NBAS: variants seen among roughly 807,000 people sequenced by gnomAD.
NBAS encodes NBAS subunit of NRZ tethering complex.
In NBAS, 219 loss-of-function variants were observed where a neutral mutation model predicts 302.5. The ratio of observed to expected loss-of-function variants is 0.72; its 90% CI spans 0.65 to 0.81. The LOEUF is 0.81. Among genes scored for constraint, NBAS ranks in the 30% least tolerant of loss-of-function variants. The pLI, the probability that NBAS is intolerant of heterozygous loss-of-function variation, is 0.00. For missense variants in NBAS, 2,932 were observed against 2,841.6 expected (o/e 1.03, Z -0.72); for synonymous variants, 1,118 against 1,021.6 (o/e 1.09, Z -1.80).
chr2:15,096,613 T>A, the NBAS span, among the ~76,000 whole-genome samples: 1 of 152,102 alleles, frequency 6.6e-6, no homozygotes, highest in African/African-American at 2.4e-5. Flanking sequence ...ACAAATGGGT[T>A]CAAAGGCTGT....
chr2:15,280,616 C>T (rs1401104448), intron 42 of NBAS, among the ~76,000 whole-genome samples: 2 of 152,062 alleles, frequency 1.3e-5, no homozygotes, highest in Non-Finnish European at 2.9e-5. Context: ...CTTTCAAGTT[C>T]GGCTTTCTGC....
At chr2:14,837,835 T>C in the NBAS span, among the ~76,000 whole-genome samples, 1 of 151,928 alleles carries the variant, frequency 6.6e-6, no homozygotes, top group Non-Finnish European at 1.5e-5. Flanking sequence ...AAAACTTCTA[T>C]CTGGTATAAT....
intron 42 of NBAS, among the ~76,000 whole-genome samples, chr2:15,286,368 A>T (rs1188894993): frequency 6.6e-6 from 1 of 152,176 alleles, no homozygotes; most frequent in African/African-American, 2.4e-5. Flanking sequence ...GTTCACCAGA[A>T]TCCTTAACTA....
At chr2:14,972,225 T>G in the NBAS span, among the ~76,000 whole-genome samples, 1 of 152,088 alleles carries the variant, frequency 6.6e-6, no homozygotes, top group Admixed American at 6.6e-5. Flanking sequence ...CTGCATGTTC[T>G]TACTCATAAG....
the NBAS span, among the ~76,000 whole-genome samples, chr2:15,159,642 T>C: frequency 6.6e-6 from 1 of 152,142 alleles, no homozygotes; most frequent in Non-Finnish European, 1.5e-5. Context: ...AGATGTTTAA[T>C]GAGTGTAGAA....
chr2:14,817,041 A>G, the NBAS span, among the ~76,000 whole-genome samples: 2 of 152,142 alleles, frequency 1.3e-5, no homozygotes, highest in Non-Finnish European at 2.9e-5. Context: ...CTGAGGAGAG[A>G]AGAGAGGATT....
the NBAS span, among the ~76,000 whole-genome samples, chr2:14,802,962 C>T: frequency 7.5e-5 from 11 of 147,470 alleles, no homozygotes; most frequent in Non-Finnish European, 1.6e-4. Context: ...GTGGGTGCAG[C>T]GCACCAGCAT....
intron 51 of NBAS, 89 bp downstream of exon 51, chr2:15,178,899 G>T: frequency 1.9e-6 from 3 of 1,561,600 alleles, no homozygotes; most frequent in East Asian, 2.3e-5. Context: ...AATTAACCAC[G>T]GTGTTATTTA....
intron 11 of NBAS, among the ~76,000 whole-genome samples, chr2:15,492,938 T>C (rs1004210268): frequency 1.3e-5 from 2 of 152,164 alleles, no homozygotes; most frequent in Admixed American, 6.5e-5. Flanking sequence ...TGGTGAGTAA[T>C]ATGGTTTGGC....
At chr2:14,819,640 G>A in the NBAS span, among the ~76,000 whole-genome samples, 3 of 152,188 alleles carry the variant, frequency 2.0e-5, no homozygotes, top group African/African-American at 7.2e-5. Context: ...GCTAGTGTCT[G>A]AATAAAGAGT....
At chr2:15,469,492 T>C (rs1679864999) in intron 16 of NBAS, among the ~76,000 whole-genome samples, 1 of 152,156 alleles carries the variant, frequency 6.6e-6, no homozygotes, top group South Asian at 2.1e-4. Flanking sequence ...ACTGGGCATA[T>C]ACCCAAAGGA....
chr2:15,053,782 TC>T, the NBAS span, among the ~76,000 whole-genome samples: 64 of 152,014 alleles, frequency 4.2e-4, no homozygotes, highest in African/African-American at 1.4e-3. Context: ...ACTCTGAACA[TC>T]CGGTTATCTA....
chr2:15,215,971 A>T (rs1342836005), intron 48 of NBAS, among the ~76,000 whole-genome samples: 1 of 152,224 alleles, frequency 6.6e-6, no homozygotes, highest in African/African-American at 2.4e-5. Context: ...ACATTCCAGA[A>T]GTTGTTGGTG....
intron 2 of NBAS, among the ~76,000 whole-genome samples, chr2:15,557,210 A>G (rs1664684625): frequency 6.6e-6 from 1 of 152,226 alleles, no homozygotes; most frequent in South Asian, 2.1e-4. Flanking sequence ...ACTTTATAGC[A>G]AAGATTTTTA....
At chr2:15,310,059 C>T (rs73197031) in intron 38 of NBAS, among the ~76,000 whole-genome samples, 3,841 of 152,216 alleles carry the variant, frequency 0.025, 155 homozygotes, top group African/African-American at 0.086. Context: ...AATAATTCAA[C>T]GGAAATGATA....
At chr2:15,127,381 C>G in the NBAS span, among the ~76,000 whole-genome samples, 1 of 152,338 alleles carries the variant, frequency 6.6e-6, no homozygotes, top group South Asian at 2.1e-4. Flanking sequence ...ACACTCCAAG[C>G]AACAAAGACC....
chr2:14,858,449 A>G, the NBAS span, among the ~76,000 whole-genome samples: 1 of 152,160 alleles, frequency 6.6e-6, no homozygotes, highest in Admixed American at 6.5e-5. Context: ...AAAATGTGGT[A>G]CATACACATG....
At chr2:15,423,919 A>C (rs1677328500) in intron 23 of NBAS, among the ~76,000 whole-genome samples, 1 of 152,242 alleles carries the variant, frequency 6.6e-6, no homozygotes, top group Admixed American at 6.5e-5. Context: ...CATTAGAAAC[A>C]ACTTCAAACA....
chr2:15,324,012 G>GT (rs947181377), intron 38 of NBAS, among the ~76,000 whole-genome samples: 1 of 151,958 alleles, frequency 6.6e-6, no homozygotes, highest in African/African-American at 2.4e-5. Flanking sequence ...AACTACAGAG[G>GT]TAAGTTTGAA....
Sources: gnomAD v4.1 joint callset for allele counts (sites outside exome capture counted in the v4.1 genomes callset) on GRCh38, gnomAD v4.1.1 for gene constraint, MANE v1.5 for transcripts, NCBI Gene and HGNC (gene_info 2026-07-23, HGNC 2026-07-21) for gene names.